SGCD: variants seen among roughly 807,000 people sequenced by gnomAD.
SGCD encodes delta-sarcoglycan.
SGCD carries 18 observed loss-of-function variants against 36.6 expected under a neutral mutation model. That is an observed-to-expected ratio of 0.49 (90% CI 0.34 to 0.73). The LOEUF is 0.73. Ranked by LOEUF, SGCD falls within the 30% of genes least tolerant of loss-of-function variation. The probability of loss-of-function intolerance (pLI) is 0.01; values close to 1 mark genes in which losing one functional copy is unlikely to be tolerated. For synonymous variants in SGCD, 133 were observed against 130.6 expected, an observed-to-expected ratio of 1.02 and a Z score of -0.12; for missense variants, 387 against 346.7, an observed-to-expected ratio of 1.12 and a Z score of -0.92.
At chr5:155,941,750 C>A (rs1757331534) in intron 1 of SGCD, among the ~76,000 whole-genome samples, 2 of 152,040 alleles carry the variant, frequency 1.3e-5, no homozygotes, top group Admixed American at 1.3e-4. Context: ...CATTACTTAT[C>A]ATTACCTATA....
intron 4 of SGCD, among the ~76,000 whole-genome samples, chr5:156,558,551 C>A (rs915468237): frequency 6.6e-6 from 1 of 152,186 alleles, no homozygotes; most frequent in Non-Finnish European, 1.5e-5. Context: ...ACTGACTATA[C>A]CACTCACCGG....
At position 156,376,050 on chromosome 5, in the gene SGCD, C is replaced by T. The variant is rs747917612; in HGVS notation, c.192+31373C>T. Among the ~76,000 whole-genome samples, 9 of 152,070 alleles carry T rather than the reference C, an allele frequency of 5.9e-5. No homozygotes were observed. The East Asian group carries it at 1.2e-3, about 20-fold the overall frequency. On this transcript the variant is annotated intron_variant, in intron 3 of 8. Transcript: ENST00000337851. Reference sequence around the variant, plus strand: ...CAGTGACTTCATATCAGTGCTTAACCGTGTGAGGCAAACACTAGATTCTGT... The same window carrying T: ...CAGTGACTTCATATCAGTGCTTAACTGTGTGAGGCAAACACTAGATTCTGT...
chr5:156,699,863 T>C (rs1754462560), intron 7 of SGCD, among the ~76,000 whole-genome samples: 1 of 152,174 alleles, frequency 6.6e-6, no homozygotes, highest in South Asian at 2.1e-4. Flanking sequence ...GGACAAACCC[T>C]TTTCAATGTT....
chr5:156,323,274 G>A (rs561783969), upstream of SGCD, among the ~76,000 whole-genome samples: 1 of 152,220 alleles, frequency 6.6e-6, no homozygotes, highest in African/African-American at 2.4e-5. Context: ...TAGATCCAGT[G>A]TACCTGCAAA....
intron 3 of SGCD, among the ~76,000 whole-genome samples, chr5:156,301,447 C>T (rs2127684575): frequency 6.6e-6 from 1 of 152,104 alleles, no homozygotes; most frequent in South Asian, 2.1e-4. Flanking sequence ...CTCTTTATAT[C>T]TTATTATACT....
At chr5:156,276,386 C>T (rs10065545) in intron 3 of SGCD, among the ~76,000 whole-genome samples, 30,127 of 152,030 alleles carry the variant, frequency 0.2, 4,830 homozygotes, top group African/African-American at 0.45. Context: ...CCAAGGTTTT[C>T]AGCTTTTCAT....
chr5:156,232,598 T>C (rs919689174), intron 3 of SGCD, among the ~76,000 whole-genome samples: 1 of 152,228 alleles, frequency 6.6e-6, no homozygotes, highest in Non-Finnish European at 1.5e-5. Flanking sequence ...TTGTGACTGA[T>C]GTATACACCA....
At chr5:156,553,543 A>G (rs1758881567) in intron 4 of SGCD, among the ~76,000 whole-genome samples, 1 of 152,146 alleles carries the variant, frequency 6.6e-6, no homozygotes, top group Non-Finnish European at 1.5e-5. Context: ...TTTTACAATC[A>G]TCACCACTGC....
rs574842263 is a variant in SGCD at position 156,623,436 on chromosome 5, G to A, written c.503-24028G>A. Among the ~76,000 whole-genome samples the A allele has an allele frequency of 5.0e-4, 76 of 152,308 alleles. No individual in the cohort carries two copies. In the South Asian group the frequency reaches 0.011, roughly 21 times the overall value. On this transcript the variant is annotated intron_variant, in intron 6 of 8. Coordinates refer to ENST00000337851, the MANE Select transcript of SGCD (RefSeq NM_000337.6). The stretch of plus-strand genomic sequence containing the variant: ...AAAACGAGATTTCAGAAAAAGAGTC[G>A]TGCAGCCTGCTCTATAAGACTGTAG...
chr5:156,186,151 A>G (rs1763755479), intron 3 of SGCD, among the ~76,000 whole-genome samples: 1 of 151,970 alleles, frequency 6.6e-6, no homozygotes, highest in Non-Finnish European at 1.5e-5. Flanking sequence ...AAACCTGTTG[A>G]ACCCCTCTTA....
At chr5:156,297,430 C>A (rs1156991423) in intron 3 of SGCD, among the ~76,000 whole-genome samples, 15 of 151,984 alleles carry the variant, frequency 9.9e-5, no homozygotes, top group Admixed American at 9.8e-4. Context: ...AAATGTGGCA[C>A]ATATACACCA....
chr5:156,538,141 G>A (rs924149776), intron 4 of SGCD, among the ~76,000 whole-genome samples: 3 of 151,980 alleles, frequency 2.0e-5, no homozygotes, highest in African/African-American at 4.8e-5. Context: ...GATAGGCTTA[G>A]TGGTTGACTG....
At chr5:155,844,068 C>T in the SGCD span, among the ~76,000 whole-genome samples, 1 of 151,650 alleles carries the variant, frequency 6.6e-6, no homozygotes, top group Non-Finnish European at 1.5e-5. Context: ...ATACTTTGAA[C>T]ATTTATTTAC....
At chr5:156,517,324 A>G (rs1345503867) in intron 4 of SGCD, among the ~76,000 whole-genome samples, 1 of 152,206 alleles carries the variant, frequency 6.6e-6, no homozygotes, top group African/African-American at 2.4e-5. Context: ...CAAAGCTGCC[A>G]TGAACTATAG....
chr5:155,973,910 C>A (rs1354837753), intron 1 of SGCD, among the ~76,000 whole-genome samples: 1 of 152,282 alleles, frequency 6.6e-6, no homozygotes, highest in African/African-American at 2.4e-5. Flanking sequence ...TCTGTTTTAA[C>A]TCCAGTATGG....
At chr5:155,796,436 G>T in the SGCD span, among the ~76,000 whole-genome samples, 1 of 151,900 alleles carries the variant, frequency 6.6e-6, no homozygotes, top group African/African-American at 2.4e-5. Flanking sequence ...AAACTTGTGG[G>T]ATGCAGCTAA....
chr5:156,218,706 C>T, intron 3 of SGCD, among the ~76,000 whole-genome samples: 1 of 152,154 alleles, frequency 6.6e-6, no homozygotes, highest in East Asian at 1.9e-4. Flanking sequence ...ACAGTCATTT[C>T]TTTGCAAGCA....
chr5:156,359,683 G>C (rs1230077886), intron 3 of SGCD, among the ~76,000 whole-genome samples: 1 of 152,174 alleles, frequency 6.6e-6, no homozygotes, highest in Non-Finnish European at 1.5e-5. Context: ...TGAGTCAACA[G>C]CAGGGCACAT....
intron 6 of SGCD, among the ~76,000 whole-genome samples, chr5:156,635,096 G>A (rs1223212605): frequency 2.0e-5 from 3 of 151,722 alleles, no homozygotes; most frequent in Non-Finnish European, 4.4e-5. Flanking sequence ...ATGGTGACAT[G>A]TCCCGGTAGT....
Sources: gnomAD v4.1 joint callset for allele counts (sites outside exome capture counted in the v4.1 genomes callset) on GRCh38, gnomAD v4.1.1 for gene constraint, MANE v1.5 for transcripts, NCBI Gene and HGNC (gene_info 2026-07-23, HGNC 2026-07-21) for gene names.